Variants in GPC6 observed in about 807,000 individuals in gnomAD.
GPC6 encodes glypican 6, also known as glypican-6.
In GPC6, 14 loss-of-function variants were observed where a neutral mutation model predicts 55.2. The observed-to-expected ratio is 0.25, with a 90% confidence interval of 0.17 to 0.40. GPC6 has a LOEUF of 0.40. GPC6 is among the 10% of genes least tolerant of loss of function. The pLI, the probability that GPC6 is intolerant of heterozygous loss-of-function variation, is 1.00. For missense variants in GPC6, 641 were observed against 708.5 expected (o/e 0.90, Z 1.08); for synonymous variants, 278 against 259.6 (o/e 1.07, Z -0.68).
intron 3 of GPC6, among the ~76,000 whole-genome samples, chr13:93,865,812 G>A (rs1160284922): frequency 1.3e-5 from 2 of 151,682 alleles, no homozygotes; most frequent in African/African-American, 4.8e-5. Context: ...AGAACTGATG[G>A]ATAATTTTGG....
chr13:94,243,926 T>G (rs529506879), intron 4 of GPC6, among the ~76,000 whole-genome samples: 1 of 152,230 alleles, frequency 6.6e-6, no homozygotes, highest in East Asian at 1.9e-4. Flanking sequence ...TCAGTTTCCT[T>G]CTCACTTTGC....
At chr13:93,892,170 T>G (rs1028841781) in intron 3 of GPC6, among the ~76,000 whole-genome samples, 4 of 152,126 alleles carry the variant, frequency 2.6e-5, no homozygotes, top group Non-Finnish European at 5.9e-5. Context: ...ATTGTGTGTG[T>G]GGGACAGATA....
chr13:94,101,331 A>T (rs114184504), intron 4 of GPC6, among the ~76,000 whole-genome samples: 1,889 of 152,326 alleles, frequency 0.012, 41 homozygotes, highest in South Asian at 0.065. Flanking sequence ...TATCAACAGC[A>T]GCCTTTCAGT....
chr13:93,676,279 T>A (rs113524880), intron 2 of GPC6, among the ~76,000 whole-genome samples: 6,122 of 150,158 alleles, frequency 0.041, 428 homozygotes, highest in African/African-American at 0.14. Context: ...CAGCCAGGTG[T>A]GGTGGTGCAT....
At chr13:93,878,643 G>T (rs1028259386) in intron 3 of GPC6, among the ~76,000 whole-genome samples, 3 of 152,060 alleles carry the variant, frequency 2.0e-5, no homozygotes, top group Non-Finnish European at 4.4e-5. Flanking sequence ...CTCCCAAAGT[G>T]CTAGGATTAA....
chr13:93,813,473 T>C (rs933598436), intron 2 of GPC6, among the ~76,000 whole-genome samples: 1 of 152,276 alleles, frequency 6.6e-6, no homozygotes, highest in Admixed American at 6.5e-5. Context: ...TAGATGTTTT[T>C]CCAGCTGCGA....
chr13:93,755,299 A>T lies in GPC6; in HGVS notation c.320-74855A>T, dbSNP rs113823385. 6.9e-3 allele frequency among the ~76,000 whole-genome samples: 1,049 copies of T among 152,250 alleles called. 15 individuals carry two copies. The highest frequency in any genetic ancestry group is 0.024 in the African/African-American group (981 of 41,568). ...CTGGAGGAAGCATCCTCCTTCAGTG[A>T]TGGCCGATGGATTTTACAGGAAATG... On this transcript the variant is annotated intron_variant, in intron 2 of 8. Coordinates refer to ENST00000377047, the MANE Select transcript of GPC6 (RefSeq NM_005708.5).
intron 4 of GPC6, among the ~76,000 whole-genome samples, chr13:94,071,493 G>C (rs1490516387): frequency 6.6e-6 from 1 of 152,080 alleles, no homozygotes; most frequent in African/African-American, 2.4e-5. Context: ...AGTTTGCCTG[G>C]CTTAAAGAAA....
intron 2 of GPC6, among the ~76,000 whole-genome samples, chr13:93,660,400 G>A (rs1880873130): frequency 6.6e-6 from 1 of 152,028 alleles, no homozygotes; most frequent in African/African-American, 2.4e-5. Flanking sequence ...CATGTTTATG[G>A]TACTTCTTGT....
At chr13:93,789,409 T>G (rs1479578598) in intron 2 of GPC6, among the ~76,000 whole-genome samples, 1 of 150,510 alleles carries the variant, frequency 6.6e-6, no homozygotes, top group Non-Finnish European at 1.5e-5. Flanking sequence ...CAAGTGTACC[T>G]ATCATTACAG....
At chr13:93,303,031 A>T (rs1272268749) in intron 1 of GPC6, among the ~76,000 whole-genome samples, 1 of 152,180 alleles carries the variant, frequency 6.6e-6, no homozygotes, top group Non-Finnish European at 1.5e-5. Context: ...TAATTATATA[A>T]CTAGGGACTC....
intron 6 of GPC6, among the ~76,000 whole-genome samples, chr13:94,323,380 C>T (rs1876941041): frequency 6.6e-6 from 1 of 152,186 alleles, no homozygotes; most frequent in Non-Finnish European, 1.5e-5. Flanking sequence ...AAGCTCCTAG[C>T]TCAGCCATTG....
chr13:93,522,218 G>A (rs1881447269), intron 1 of GPC6, among the ~76,000 whole-genome samples: 1 of 151,908 alleles, frequency 6.6e-6, no homozygotes, highest in African/African-American at 2.4e-5. Context: ...GTTGGTTAGA[G>A]ATAATTGATA....
intron 4 of GPC6, among the ~76,000 whole-genome samples, chr13:94,215,891 T>C (rs990770509): frequency 3.3e-5 from 5 of 152,186 alleles, no homozygotes; most frequent in African/African-American, 1.2e-4. Flanking sequence ...TCGTTAATAG[T>C]AAGATATAAA....
At chr13:93,218,938 C>T in the GPC6 span, among the ~76,000 whole-genome samples, 5 of 152,050 alleles carry the variant, frequency 3.3e-5, no homozygotes, top group Admixed American at 3.3e-4. Flanking sequence ...ATAAAAGAAT[C>T]AGACATTATA....
intron 4 of GPC6, among the ~76,000 whole-genome samples, chr13:94,042,200 G>T (rs1002583544): frequency 6.6e-6 from 1 of 151,594 alleles, no homozygotes; most frequent in African/African-American, 2.4e-5. Flanking sequence ...TGTAAAATAT[G>T]CCTGCTTTCC....
intron 4 of GPC6, among the ~76,000 whole-genome samples, chr13:94,175,970 A>T (rs1888746561): frequency 7.0e-6 from 1 of 142,946 alleles, no homozygotes; most frequent in African/African-American, 2.5e-5. Flanking sequence ...AGAGAGAGAG[A>T]GAGAGAGAGA....
intron 1 of GPC6, among the ~76,000 whole-genome samples, chr13:93,273,613 G>A (rs1471076578): frequency 6.6e-6 from 1 of 151,954 alleles, no homozygotes; most frequent in Non-Finnish European, 1.5e-5. Context: ...AACCGAGATT[G>A]CGCCACTGCA....
rs16948601 is a variant in GPC6 at position 93,290,071 on chromosome 13, G to A, written c.160+62455G>A. Among the ~76,000 whole-genome samples, 682 of 152,176 alleles carry A rather than the reference G, an allele frequency of 4.5e-3. 7 individuals are homozygous for A. The highest frequency in any genetic ancestry group is 0.016 in the African/African-American group (648 of 41,534). ...ATTTTTGTTTCATAGTGTTTGGTCT[G>A]GGCTCTAAATGAAGCAAGGAGGTTA... On this transcript the variant is annotated intron_variant, in intron 1 of 8. Transcript: ENST00000377047.
Sources: allele counts gnomAD v4.1 joint callset (sites outside exome capture counted in the v4.1 genomes callset), GRCh38; gene constraint gnomAD v4.1.1; transcripts MANE v1.5; gene names NCBI Gene and HGNC (gene_info 2026-07-23, HGNC 2026-07-21).